KCNJ6: variants seen among roughly 807,000 people sequenced by gnomAD.
KCNJ6 encodes G protein-activated inward rectifier potassium channel 2.
Under a neutral mutation model 34.2 loss-of-function variants are expected in KCNJ6, and 9 were observed. The ratio of observed to expected loss-of-function variants is 0.26; its 90% CI spans 0.16 to 0.46. The LOEUF (loss-of-function observed/expected upper bound fraction) is 0.46. Among genes scored for constraint, KCNJ6 ranks in the 20% least tolerant of loss-of-function variants. The probability of loss-of-function intolerance (pLI) is 1.00; values close to 1 mark genes in which losing one functional copy is unlikely to be tolerated. For synonymous variants in KCNJ6, 196 were observed against 207.1 expected (o/e 0.95, Z 0.46); for missense variants, 236 against 531.3 (o/e 0.44, Z 5.46).
intron 2 of KCNJ6, among the ~76,000 whole-genome samples, chr21:37,718,229 G>A (rs142070649): frequency 6.6e-6 from 1 of 152,328 alleles, no homozygotes; most frequent in East Asian, 1.9e-4. Flanking sequence ...GTCAAGAGGT[G>A]AAGGAGCCTG....
chr21:37,886,622 C>T (rs983383742), intron 1 of KCNJ6, among the ~76,000 whole-genome samples: 9 of 152,186 alleles, frequency 5.9e-5, no homozygotes, highest in Non-Finnish European at 1.0e-4. Context: ...GTATAACCTA[C>T]GATTAAGTCT....
chr21:37,824,680 G>A (rs566814941), intron 2 of KCNJ6, among the ~76,000 whole-genome samples: 4 of 152,228 alleles, frequency 2.6e-5, no homozygotes, highest in Non-Finnish European at 5.9e-5. Context: ...GGGCTTTCCT[G>A]CGCACACTTT....
chr21:37,910,134 C>A (rs1028518615), intron 1 of KCNJ6, among the ~76,000 whole-genome samples: 1 of 152,160 alleles, frequency 6.6e-6, no homozygotes, highest in African/African-American at 2.4e-5. Flanking sequence ...CCACAGCTGA[C>A]CAGCAGAGGC....
At chr21:37,747,291 C>T (rs2054972333) in intron 2 of KCNJ6, among the ~76,000 whole-genome samples, 1 of 151,840 alleles carries the variant, frequency 6.6e-6, no homozygotes, top group Non-Finnish European at 1.5e-5. Flanking sequence ...GGATTTATGC[C>T]TTGCCTTAGA....
chr21:37,660,715 C>T (rs2054484312), intron 3 of KCNJ6, among the ~76,000 whole-genome samples: 1 of 152,162 alleles, frequency 6.6e-6, no homozygotes, highest in South Asian at 2.1e-4. Context: ...ATGCTGCTGT[C>T]ATGCTCACCA....
Position 37,609,754 on chromosome 21 carries a change from C to T in KCNJ6, c.*15405G>A, listed in dbSNP as rs1314899785. On this transcript the variant is annotated 3_prime_UTR_variant, in exon 4 of 4. Coordinates refer to ENST00000609713, the MANE Select transcript of KCNJ6 (RefSeq NM_002240.5). ...TTGTTTTGTTTTTCTGACTGGGGCC[C>T]TAGGTGCATGCTTTAGGGAGGGTAG... 6.6e-6 allele frequency: 1 copy of T among 151,830 alleles called. No individual in the cohort carries two copies. The highest frequency in any genetic ancestry group is 2.0e-4 in the East Asian group (1 of 5,118). 9.4% of individuals were successfully genotyped at this position (151,830 alleles called of 1,614,324 possible).
intron 1 of KCNJ6, among the ~76,000 whole-genome samples, chr21:37,865,762 C>A (rs2055619495): frequency 6.6e-6 from 1 of 152,180 alleles, no homozygotes; most frequent in South Asian, 2.1e-4. Flanking sequence ...GACTTCAACA[C>A]CCCACTCTCA....
intron 3 of KCNJ6, among the ~76,000 whole-genome samples, chr21:37,643,962 A>AT (rs1178511771): frequency 1.3e-5 from 2 of 152,246 alleles, no homozygotes; most frequent in Non-Finnish European, 2.9e-5. Context: ...TAGCAAAGAC[A>AT]TGAAATCAAC....
chr21:37,782,118 T>C (rs1038343821), intron 2 of KCNJ6, among the ~76,000 whole-genome samples: 1 of 149,856 alleles, frequency 6.7e-6, no homozygotes, highest in Non-Finnish European at 1.5e-5. Flanking sequence ...ACGGATGGGG[T>C]GGGAAAAGAG....
intron 3 of KCNJ6, among the ~76,000 whole-genome samples, chr21:37,692,368 G>T (rs190573681): frequency 2.0e-5 from 3 of 152,182 alleles, no homozygotes; most frequent in Admixed American, 2.0e-4. Flanking sequence ...GCAGCATTAG[G>T]GGTGTGAATG....
chr21:37,670,887 A>G lies in KCNJ6; in HGVS notation c.946+43324T>C, dbSNP rs150248167. On this transcript the variant is annotated intron_variant, in intron 3 of 3. Transcript: ENST00000609713. ...TCAGCAGGACCTTATGATTTTCAGT[A>G]TATGAGTTTTCACTTCCTTGGTTTG... Among the ~76,000 whole-genome samples, 122 of 136,706 alleles carry G rather than the reference A, an allele frequency of 8.9e-4. 1 individual carries two copies. Among genetic ancestry groups the G allele is most frequent in the African/African-American group, 3.2e-3 (115 of 35,602 alleles). The allele number at this position is 136,706 out of a possible 152,430, so 89.7% of individuals were successfully genotyped here. A position where few individuals can be genotyped will look rare whatever the true frequency, so the allele number is the denominator to read the frequency against.
chr21:37,891,236 G>T (rs1027013668), intron 1 of KCNJ6, among the ~76,000 whole-genome samples: 1 of 148,160 alleles, frequency 6.7e-6, no homozygotes, highest in Admixed American at 6.7e-5. Context: ...CAGGTTAGGG[G>T]AACCACACAC....
At chr21:37,635,419 T>C (rs959223471) in intron 3 of KCNJ6, among the ~76,000 whole-genome samples, 1 of 152,108 alleles carries the variant, frequency 6.6e-6, no homozygotes, top group African/African-American at 2.4e-5. Flanking sequence ...GGTTTTGCCA[T>C]GTTGGACAGG....
At chr21:37,782,565 C>T (rs2055174652) in intron 2 of KCNJ6, among the ~76,000 whole-genome samples, 1 of 152,200 alleles carries the variant, frequency 6.6e-6, no homozygotes. Flanking sequence ...TCCTTCATGG[C>T]CACAACTCCC....
intron 2 of KCNJ6, among the ~76,000 whole-genome samples, chr21:37,815,711 G>C (rs1040067420): frequency 5.3e-5 from 8 of 152,210 alleles, no homozygotes; most frequent in African/African-American, 1.7e-4. Flanking sequence ...GAGTATGTCA[G>C]GTGAGTATGA....
intron 3 of KCNJ6, among the ~76,000 whole-genome samples, chr21:37,700,416 C>G (rs2054684875): frequency 6.6e-6 from 1 of 152,180 alleles, no homozygotes; most frequent in African/African-American, 2.4e-5. Flanking sequence ...GGACAGGACA[C>G]CTGGAGAGGT....
intron 2 of KCNJ6, among the ~76,000 whole-genome samples, chr21:37,831,144 T>C (rs1379466853): frequency 6.6e-6 from 1 of 152,202 alleles, no homozygotes. Flanking sequence ...TGATTCCAAC[T>C]GAACATGCCT....
At chr21:37,677,149 G>A (rs2054568532) in intron 3 of KCNJ6, among the ~76,000 whole-genome samples, 1 of 152,232 alleles carries the variant, frequency 6.6e-6, no homozygotes, top group African/African-American at 2.4e-5. Flanking sequence ...TTGGACTGCA[G>A]GACTGGTCCC....
In KCNJ6 at chr21:37,615,244, C is replaced by CTTTTTTTTTTTTTTTTTTTTTTTTT; in HGVS notation, c.*9890_*9914dup. 1 of 98,884 alleles carries CTTTTTTTTTTTTTTTTTTTTTTTTT rather than the reference C, an allele frequency of 1.0e-5. No individual in the cohort carries two copies. Among genetic ancestry groups the CTTTTTTTTTTTTTTTTTTTTTTTTT allele is most frequent in the African/African-American group, 4.0e-5 (1 of 25,194 alleles). The allele number at this position is 98,884 out of a possible 1,614,324, so 6.1% of individuals were successfully genotyped here. A position where few individuals can be genotyped will look rare whatever the true frequency, so the allele number is the denominator to read the frequency against. The stretch of plus-strand genomic sequence containing the variant: ...ACCCTCGACTGACATTCCCAGCATT[C>CTTTTTTTTTTTTTTTTTTTTTTTTT]TTTTTTTTTTTTTTTTTTTTTTTTT... On this transcript the variant is annotated 3_prime_UTR_variant, in exon 4 of 4. Transcript: ENST00000609713.
Sources: gnomAD v4.1 joint callset for allele counts (sites outside exome capture counted in the v4.1 genomes callset) on GRCh38, gnomAD v4.1.1 for gene constraint, MANE v1.5 for transcripts, NCBI Gene and HGNC (gene_info 2026-07-23, HGNC 2026-07-21) for gene names.